Variants in EPB41L3 observed in about 807,000 individuals in gnomAD.
EPB41L3 encodes erythrocyte membrane protein band 4.1 like 3.
A neutral mutation model predicts 127.1 loss-of-function variants in EPB41L3; 57 were observed. That is an observed-to-expected ratio of 0.45 (90% confidence interval 0.36 to 0.56). EPB41L3 has a LOEUF of 0.56. Ranked by LOEUF, EPB41L3 falls within the 20% of genes least tolerant of loss-of-function variation. EPB41L3 has a pLI of 0.00. For synonymous variants in EPB41L3, 572 were observed against 549.5 expected, an observed-to-expected ratio of 1.04 and a Z score of -0.57; for missense variants, 1,273 against 1,372.2, an observed-to-expected ratio of 0.93 and a Z score of 1.14.
At chr18:5,454,847 A>T (rs889413918) in intron 3 of EPB41L3, among the ~76,000 whole-genome samples, 2 of 152,220 alleles carry the variant, frequency 1.3e-5, no homozygotes, top group Non-Finnish European at 2.9e-5. Flanking sequence ...GGTCTAAATT[A>T]TCTAGAGATG....
At chr18:5,601,063 T>C (rs1185732642) in intron 3 of EPB41L3, among the ~76,000 whole-genome samples, 1 of 152,026 alleles carries the variant, frequency 6.6e-6, no homozygotes, top group Non-Finnish European at 1.5e-5. Flanking sequence ...TGGCAAAATA[T>C]CCAAAATACA....
intron 3 of EPB41L3, among the ~76,000 whole-genome samples, chr18:5,565,538 T>C (rs1437736123): frequency 2.0e-5 from 3 of 151,860 alleles, no homozygotes; most frequent in Non-Finnish European, 4.4e-5. Context: ...ATGTGCCATG[T>C]TGGTGTGCTG....
In EPB41L3 at chr18:5,495,604, T is replaced by TAAA. The variant is rs397970932; in HGVS notation, c.-11-6413_-11-6411dup. On this transcript the variant is annotated intron_variant, in intron 1 of 22. Transcript: ENST00000341928. ...TCACAGGAAAGAACACTTGTCTGAT[T>TAAA]AAAAAAAAAAAAAATCACTAACTTT... is the stretch of plus-strand genomic sequence containing the variant. 4.8e-3 allele frequency among the ~76,000 whole-genome samples: 695 copies of TAAA among 143,556 alleles called. 6 individuals are homozygous for TAAA. The highest frequency in any genetic ancestry group is 0.017 in the African/African-American group (652 of 39,330). The allele number at this position is 143,556 out of a possible 152,430, so 94.2% of individuals were successfully genotyped here. A position where few individuals can be genotyped will look rare whatever the true frequency, so the allele number is the denominator to read the frequency against.
intron 16 of EPB41L3, 152 bp from the exon 17 acceptor site, chr18:5,398,295 G>A: frequency 2.2e-6 from 2 of 889,280 alleles, no homozygotes; most frequent in Non-Finnish European, 3.4e-6. Context: ...CGAAAAGAAT[G>A]GGAAATAAAA....
chr18:5,466,909 C>A (rs1450752010), intron 3 of EPB41L3, among the ~76,000 whole-genome samples: 11 of 152,148 alleles, frequency 7.2e-5, no homozygotes, highest in African/African-American at 2.2e-4. Context: ...AATTGAAATG[C>A]TAACTAAGGG....
At chr18:5,406,563 T>G (rs569060276) in intron 16 of EPB41L3, among the ~76,000 whole-genome samples, 2 of 152,196 alleles carry the variant, frequency 1.3e-5, no homozygotes, top group Non-Finnish European at 2.9e-5. Flanking sequence ...CTTCCCGCCC[T>G]AAGAACCATC....
chr18:5,399,880 T>C (rs1567982380), intron 16 of EPB41L3: 1 of 152,302 alleles, frequency 6.6e-6, no homozygotes, highest in South Asian at 2.1e-4. Flanking sequence ...TACAGGGAAA[T>C]GAATCCATAA....
intron 3 of EPB41L3, among the ~76,000 whole-genome samples, chr18:5,590,236 C>T (rs1296597019): frequency 6.6e-6 from 1 of 151,996 alleles, no homozygotes; most frequent in East Asian, 1.9e-4. Context: ...TCAGAGGTTC[C>T]CAAGGAGAGC....
intron 2 of EPB41L3, among the ~76,000 whole-genome samples, chr18:5,613,480 A>T (rs2094754405): frequency 6.6e-6 from 1 of 152,114 alleles, no homozygotes; most frequent in South Asian, 2.1e-4. Context: ...CGTTATCCCC[A>T]TCAGTCACCC....
intron 3 of EPB41L3, among the ~76,000 whole-genome samples, chr18:5,462,844 C>A (rs764435636): frequency 1.3e-5 from 2 of 152,212 alleles, no homozygotes. Flanking sequence ...ACAGTATACC[C>A]AGTTGCAATA....
At chr18:5,584,094 G>A (rs1402359073) in intron 3 of EPB41L3, among the ~76,000 whole-genome samples, 2 of 152,206 alleles carry the variant, frequency 1.3e-5, no homozygotes, top group Non-Finnish European at 1.5e-5. Flanking sequence ...GAGCCTCTGT[G>A]CCTGGCCTAG....
intron 1 of EPB41L3, among the ~76,000 whole-genome samples, chr18:5,624,949 AGAAAGGGGAGGAAGGGCATTTCAGTT>A (rs1186191143): frequency 1.3e-5 from 2 of 152,186 alleles, no homozygotes; most frequent in African/African-American, 4.8e-5. Context: ...TTCAAGGTGA[AGAAAGGGGAGGAAGGGCATTTCAGTT>A]GAAAGAAATA....
chr18:5,393,568 T>C (rs966213455), intron 22 of EPB41L3, 90 bp from the exon 23 acceptor site: 9 of 677,746 alleles, frequency 1.3e-5, no homozygotes, highest in African/African-American at 8.9e-5. Flanking sequence ...TCCTGGAAGT[T>C]AGAATGCTCG....
chr18:5,586,950 G>C (rs2094447321), intron 3 of EPB41L3, among the ~76,000 whole-genome samples: 1 of 151,996 alleles, frequency 6.6e-6, no homozygotes. Flanking sequence ...CTTTCACCCT[G>C]TACCTGTGCA....
At chr18:5,416,457 A>G in intron 12 of EPB41L3, 79 bp from the exon 13 acceptor site, 8 of 1,405,666 alleles carry the variant, frequency 5.7e-6, no homozygotes, top group Non-Finnish European at 7.6e-6. Flanking sequence ...GCAATTAGTT[A>G]ATTTTCTTAT....
At chr18:5,584,502 C>G (rs1599118695) in intron 3 of EPB41L3, among the ~76,000 whole-genome samples, 1 of 152,142 alleles carries the variant, frequency 6.6e-6, no homozygotes, top group African/African-American at 2.4e-5. Context: ...GTTTTCCCAA[C>G]CTTTTCCTCA....
chr18:5,580,995 C>T (rs2094389001), intron 3 of EPB41L3, among the ~76,000 whole-genome samples: 1 of 152,174 alleles, frequency 6.6e-6, no homozygotes, highest in East Asian at 1.9e-4. Flanking sequence ...CAGTTTCTGC[C>T]TCTCTGGAGA....
intron 3 of EPB41L3, among the ~76,000 whole-genome samples, chr18:5,449,835 T>C (rs745937601): frequency 2.0e-5 from 3 of 152,238 alleles, no homozygotes; most frequent in Non-Finnish European, 2.9e-5. Flanking sequence ...ATGCTACATA[T>C]TCTGTTTCTT....
intron 1 of EPB41L3, among the ~76,000 whole-genome samples, chr18:5,491,904 C>T (rs74946940): frequency 1.3e-5 from 2 of 152,038 alleles, no homozygotes; most frequent in African/African-American, 4.8e-5. Context: ...ACAAATAAAC[C>T]AGTATGGATG....
Sources: allele counts gnomAD v4.1 joint callset (sites outside exome capture counted in the v4.1 genomes callset), GRCh38; gene constraint gnomAD v4.1.1; transcripts MANE v1.5; gene names NCBI Gene and HGNC (gene_info 2026-07-23, HGNC 2026-07-21).